The following LARP4B variants were observed in gnomAD, a reference collection of about 807,000 sequenced individuals.
LARP4B encodes the protein La ribonucleoprotein 4B.
Under a neutral mutation model 89.8 loss-of-function variants are expected in LARP4B, and 12 were observed. The observed-to-expected ratio is 0.13, with a 90% CI of 0.09 to 0.22. The LOEUF (loss-of-function observed/expected upper bound fraction) is 0.22. LARP4B is among the 10% of genes least tolerant of loss of function. The probability of loss-of-function intolerance (pLI) is 1.00; values close to 1 mark genes in which losing one functional copy is unlikely to be tolerated. For synonymous variants in LARP4B, 367 were observed against 363.3 expected (o/e 1.01, Z -0.12); for missense variants, 757 against 947.7 (o/e 0.80, Z 2.64).
intron 5 of LARP4B, among the ~76,000 whole-genome samples, chr10:854,350 T>C (rs976625715): frequency 1.3e-5 from 2 of 152,196 alleles, no homozygotes; most frequent in African/African-American, 4.8e-5. Context: ...GTGAATCCTT[T>C]CCAGAATCCA....
the LARP4B span, among the ~76,000 whole-genome samples, chr10:943,322 C>T: frequency 6.6e-6 from 1 of 152,208 alleles, no homozygotes; most frequent in Non-Finnish European, 1.5e-5. Context: ...CAGCCTCCCT[C>T]CTCCTGTCAC....
At chr10:827,130 T>A (rs536761997) in intron 11 of LARP4B, among the ~76,000 whole-genome samples, 1 of 151,926 alleles carries the variant, frequency 6.6e-6, no homozygotes, top group East Asian at 1.9e-4. Context: ...AAAAAAATTA[T>A]CCGGGCGTAG....
intron 11 of LARP4B, among the ~76,000 whole-genome samples, chr10:827,132 C>T (rs1447269756): frequency 3.3e-5 from 5 of 152,074 alleles, no homozygotes; most frequent in South Asian, 2.1e-4. Context: ...AAAAATTATC[C>T]GGGCGTAGTG....
At chr10:837,689 G>A (rs930893287) in intron 7 of LARP4B, among the ~76,000 whole-genome samples, 10 of 152,134 alleles carry the variant, frequency 6.6e-5, no homozygotes, top group African/African-American at 2.4e-4. Context: ...CAGACACGTG[G>A]GGTGCTGCAA....
At chr10:857,566 T>A (rs1235319527) in intron 5 of LARP4B, among the ~76,000 whole-genome samples, 1 of 151,956 alleles carries the variant, frequency 6.6e-6, no homozygotes, top group Non-Finnish European at 1.5e-5. Flanking sequence ...GAGGTACGAT[T>A]TTCGGATCAG....
At chr10:851,270 G>A (rs1376157129) in intron 5 of LARP4B, among the ~76,000 whole-genome samples, 2 of 147,424 alleles carry the variant, frequency 1.4e-5, no homozygotes, top group Non-Finnish European at 3.0e-5. Context: ...TGCAACCTAC[G>A]TTTCCTGGGT....
the LARP4B span, chr10:972,315 A>T: frequency 1.3e-5 from 5 of 372,054 alleles, no homozygotes; most frequent in East Asian, 3.5e-4. Flanking sequence ...GGCGTGAGCA[A>T]CCGCACCCAG....
the LARP4B span, among the ~76,000 whole-genome samples, chr10:969,195 A>G: frequency 6.6e-6 from 1 of 152,198 alleles, no homozygotes; most frequent in Non-Finnish European, 1.5e-5. Flanking sequence ...GGAGGAAAGT[A>G]AGGGGAAAAA....
intron 1 of LARP4B, among the ~76,000 whole-genome samples, chr10:922,615 A>C (rs1837010410): frequency 6.6e-6 from 1 of 152,088 alleles, no homozygotes; most frequent in Non-Finnish European, 1.5e-5. Flanking sequence ...TGCAGTGAGC[A>C]GTGGCCACAC....
At chr10:853,684 GA>G (rs1202795254) in intron 5 of LARP4B, among the ~76,000 whole-genome samples, 1 of 152,056 alleles carries the variant, frequency 6.6e-6, no homozygotes, top group Non-Finnish European at 1.5e-5. Flanking sequence ...ATTATGTCTG[GA>G]AAAAAATAAA....
At chr10:808,203 G>A (rs1359427736), downstream of LARP4B, 9 of 152,214 alleles carry the variant, frequency 5.9e-5, no homozygotes, top group African/African-American at 2.2e-4. Flanking sequence ...TCCATCCAGG[G>A]AGTTCTGGCA....
intron 5 of LARP4B, among the ~76,000 whole-genome samples, chr10:845,385 C>T (rs1194772275): frequency 6.6e-6 from 1 of 152,120 alleles, no homozygotes; most frequent in African/African-American, 2.4e-5. Flanking sequence ...AAGTAACCTA[C>T]ACAAACACAA....
chr10:955,100 C>T, the LARP4B span, among the ~76,000 whole-genome samples: 1 of 151,180 alleles, frequency 6.6e-6, no homozygotes, highest in Non-Finnish European at 1.5e-5. This position sits in a 1 kb window ranked among gnomAD's most constrained non-coding sequence, Gnocchi z 5.2. Context: ...CAGGACAGCT[C>T]CCATCCACGC....
chr10:899,059 C>G (rs1365245838), intron 1 of LARP4B, among the ~76,000 whole-genome samples: 1 of 152,170 alleles, frequency 6.6e-6, no homozygotes, highest in Non-Finnish European at 1.5e-5. Flanking sequence ...CACCAATGTA[C>G]AGATCATGAT....
the LARP4B span, among the ~76,000 whole-genome samples, chr10:981,714 C>T: frequency 5.9e-5 from 9 of 152,238 alleles, no homozygotes; most frequent in East Asian, 1.7e-3. Flanking sequence ...GGATTACAGG[C>T]GCCTGCCACT....
chr10:928,134 A>G (rs1442150261), intron 1 of LARP4B, among the ~76,000 whole-genome samples: 6 of 152,084 alleles, frequency 3.9e-5, no homozygotes, highest in Non-Finnish European at 7.4e-5. Context: ...AGGCAGGAGA[A>G]TCACCTGAAC....
At chr10:906,634 A>G (rs1836500638) in intron 1 of LARP4B, among the ~76,000 whole-genome samples, 1 of 152,206 alleles carries the variant, frequency 6.6e-6, no homozygotes, top group African/African-American at 2.4e-5. Context: ...GTTCACAACC[A>G]TATGCTCAGT....
intron 2 of LARP4B, 133 bp downstream of exon 2, chr10:885,508 G>A (rs1438416314): frequency 9.1e-6 from 5 of 550,080 alleles, no homozygotes; most frequent in African/African-American, 1.9e-5. Flanking sequence ...TCTCCCCTAC[G>A]AGACTCTAAT....
chr10:944,769 A>G, the LARP4B span, among the ~76,000 whole-genome samples: 2 of 151,734 alleles, frequency 1.3e-5, no homozygotes, highest in Admixed American at 1.3e-4. Context: ...CCTAAGTTCT[A>G]GTTTCTGTTT....
Sources: allele counts gnomAD v4.1 joint callset (sites outside exome capture counted in the v4.1 genomes callset), GRCh38; gene constraint gnomAD v4.1.1; non-coding constraint Gnocchi (gnomAD v3.1); transcripts MANE v1.5; gene names NCBI Gene and HGNC (gene_info 2026-07-23, HGNC 2026-07-21).